Variants in PCDHA8 observed in about 807,000 individuals in gnomAD.
PCDHA8 encodes protocadherin alpha-8.
Under a neutral mutation model 61.8 loss-of-function variants are expected in PCDHA8, and 53 were observed. The observed-to-expected ratio is 0.86, with a 90% CI of 0.69 to 1.08. PCDHA8 has a LOEUF of 1.08. Among genes scored for constraint, PCDHA8 ranks in the 50% least tolerant of loss-of-function variants. The pLI is 0.00. For missense variants in PCDHA8, 1,293 were observed against 1,245.0 expected (o/e 1.04, Z -0.58); for synonymous variants, 618 against 556.6 (o/e 1.11, Z -1.55).
intron 1 of PCDHA8, among the ~76,000 whole-genome samples, chr5:140,873,862 T>A (rs188055479): frequency 4.1e-4 from 62 of 152,308 alleles, no homozygotes; most frequent in Admixed American, 1.1e-3. Context: ...GTTTTCACCA[T>A]GTTGGCCAGG....
chr5:140,852,582 A>AT (rs2150518947), intron 1 of PCDHA8: 69,093 of 668,182 alleles, frequency 0.1, 1,214 homozygotes, highest in Non-Finnish European at 0.11. Flanking sequence ...AGGCTTTTTT[A>AT]TTTTTTTTTT....
chr5:140,890,585 A>G (rs1158719431), intron 1 of PCDHA8, among the ~76,000 whole-genome samples: 1 of 152,086 alleles, frequency 6.6e-6, no homozygotes, highest in Admixed American at 6.5e-5. Context: ...TATTATTTGG[A>G]AGCCCTTTTC....
At chr5:140,870,631 C>G (rs1554164498) in intron 1 of PCDHA8, 5 of 1,612,864 alleles carry the variant, frequency 3.1e-6, no homozygotes, top group Middle Eastern at 1.7e-4. Flanking sequence ...CGTGTCGGTG[C>G]ACGCGGAGAG....
chr5:140,849,825 G>A, intron 1 of PCDHA8: 1 of 1,598,526 alleles, frequency 6.3e-7, no homozygotes, highest in Non-Finnish European at 8.6e-7. Context: ...GGTGTCTGTG[G>A]AGGTGGCCGA....
intron 1 of PCDHA8, chr5:140,851,957 G>A: frequency 1.0e-6 from 1 of 975,112 alleles, no homozygotes; most frequent in Non-Finnish European, 1.2e-6. Flanking sequence ...TCAAAATGGT[G>A]GTTTTCCACA....
chr5:140,910,171 T>C (rs186096076), intron 1 of PCDHA8, among the ~76,000 whole-genome samples: 22 of 152,340 alleles, frequency 1.4e-4, no homozygotes, highest in Admixed American at 1.2e-3. Flanking sequence ...TGATCCTCTG[T>C]TTTTATAATT....
Position 140,877,047 on chromosome 5 carries a change from C to T in PCDHA8, c.2394+33332C>T, listed in dbSNP as rs372059660. The T allele has an allele frequency of 5.6e-6, 9 of 1,612,564 alleles. No homozygotes were observed. The African/African-American group carries it at 1.2e-4, about 22-fold the overall frequency. On this transcript the variant is annotated intron_variant, in intron 1 of 3. Transcript: ENST00000531613. ...TGTACGCGCTGCAGCCGCTAGACCA[C>T]GAGGAGCTGGAGCTGCTGCAGTTCC...
chr5:140,895,631 C>T (rs1227407918), intron 1 of PCDHA8, among the ~76,000 whole-genome samples: 4 of 152,106 alleles, frequency 2.6e-5, no homozygotes, highest in African/African-American at 9.7e-5. Context: ...TGTCTTTTCA[C>T]ATTCTTTTTT....
chr5:140,926,533 A>G (rs957359754), intron 1 of PCDHA8: 23 of 211,100 alleles, frequency 1.1e-4, no homozygotes, highest in East Asian at 3.3e-4. Context: ...GCCCGCAGCC[A>G]GCGTGGTGGT....
intron 1 of PCDHA8, chr5:140,928,085 T>G: frequency 1.9e-6 from 3 of 1,614,236 alleles, no homozygotes; most frequent in Non-Finnish European, 8.5e-7. Flanking sequence ...TACAGCCTGC[T>G]GATTGATGGG....
At chr5:140,899,948 C>A (rs2067639860) in intron 1 of PCDHA8, among the ~76,000 whole-genome samples, 1 of 151,682 alleles carries the variant, frequency 6.6e-6, no homozygotes, top group South Asian at 2.1e-4. Context: ...GCTGGGACCA[C>A]AGGCATGTGC....
chr5:140,879,578 A>G (rs1298190690), intron 1 of PCDHA8, among the ~76,000 whole-genome samples: 4 of 152,244 alleles, frequency 2.6e-5, no homozygotes, highest in African/African-American at 9.6e-5. Context: ...AATTGCCAAG[A>G]CAGACATTGA....
intron 1 of PCDHA8, chr5:140,966,800 G>A: frequency 6.5e-7 from 1 of 1,540,654 alleles, no homozygotes; most frequent in Non-Finnish European, 8.7e-7. Context: ...TGCGGCGACA[G>A]AGCATCCACG....
At chr5:140,902,917 T>G (rs1235478755) in intron 1 of PCDHA8, among the ~76,000 whole-genome samples, 1 of 152,230 alleles carries the variant, frequency 6.6e-6, no homozygotes, top group Non-Finnish European at 1.5e-5. Context: ...CTGAGTAGTA[T>G]TGCATGGTGT....
intron 3 of PCDHA8, among the ~76,000 whole-genome samples, chr5:141,002,749 A>G (rs2098093412): frequency 1.3e-5 from 2 of 152,202 alleles, no homozygotes; most frequent in South Asian, 4.1e-4. Flanking sequence ...TACATCGACA[A>G]CCCTGTGATG....
At chr5:140,998,738 A>G (rs1163158052) in intron 3 of PCDHA8, among the ~76,000 whole-genome samples, 1 of 151,972 alleles carries the variant, frequency 6.6e-6, no homozygotes, top group Non-Finnish European at 1.5e-5. Context: ...CTAATTTTGT[A>G]TTTTTAGAAG....
At chr5:140,969,865 C>T (rs982289120) in intron 1 of PCDHA8, among the ~76,000 whole-genome samples, 1 of 152,204 alleles carries the variant, frequency 6.6e-6, no homozygotes. Flanking sequence ...GGTACTTGCA[C>T]TGAACCTATG....
rs1205846373 is a variant in PCDHA8 at position 140,858,213 on chromosome 5, C to T, written c.2394+14498C>T. Reference sequence around the variant, plus strand: ...CTGCTGTACACTGCACTGAGGTGCTCGGCGGCGCCCACCGAGGGCGCATGT... The same window carrying T: ...CTGCTGTACACTGCACTGAGGTGCTTGGCGGCGCCCACCGAGGGCGCATGT... On this transcript the variant is annotated intron_variant, in intron 1 of 3. Coordinates refer to ENST00000531613, the MANE Select transcript of PCDHA8 (RefSeq NM_018911.3). 13 of 1,594,002 alleles carry T rather than the reference C, an allele frequency of 8.2e-6. 3 individuals are homozygous for T. Among genetic ancestry groups the T allele is most frequent in the Non-Finnish European group, 1.1e-5 (13 of 1,165,570 alleles).
At chr5:140,885,012 G>A (rs73793512) in intron 1 of PCDHA8, among the ~76,000 whole-genome samples, 2,131 of 152,234 alleles carry the variant, frequency 0.014, 45 homozygotes, top group African/African-American at 0.049. Flanking sequence ...GAGGCTAATC[G>A]TAATCTTAAA....
Sources: gnomAD v4.1 joint callset for allele counts (sites outside exome capture counted in the v4.1 genomes callset) on GRCh38, gnomAD v4.1.1 for gene constraint, MANE v1.5 for transcripts, NCBI Gene and HGNC (gene_info 2026-07-23, HGNC 2026-07-21) for gene names.